ARHGAP32: variants seen among roughly 807,000 people sequenced by gnomAD.
ARHGAP32 encodes rho GTPase-activating protein 32.
Under a neutral mutation model 186.5 loss-of-function variants are expected in ARHGAP32, and 51 were observed. That is an observed-to-expected ratio of 0.27 (90% CI 0.22 to 0.35). The LOEUF (loss-of-function observed/expected upper bound fraction) is 0.35. Among genes scored for constraint, ARHGAP32 ranks in the 10% least tolerant of loss-of-function variants. The pLI is 1.00. For synonymous variants in ARHGAP32, 950 were observed against 964.3 expected (o/e 0.99, Z 0.27); for missense variants, 2,186 against 2,623.5 (o/e 0.83, Z 3.64).
At chr11:129,095,959 A>G (rs1244605859) in intron 5 of ARHGAP32, among the ~76,000 whole-genome samples, 1 of 152,246 alleles carries the variant, frequency 6.6e-6, no homozygotes, top group African/African-American at 2.4e-5. Context: ...AAGTAGTGAT[A>G]AACTCAATCA....
intron 1 of ARHGAP32, among the ~76,000 whole-genome samples, chr11:129,226,435 G>A (rs1944783143): frequency 6.6e-6 from 1 of 152,110 alleles, no homozygotes; most frequent in Non-Finnish European, 1.5e-5. Context: ...CAGAAATCAT[G>A]GAGGCCAGAA....
At chr11:129,121,497 T>C (rs1942528036) in intron 5 of ARHGAP32, among the ~76,000 whole-genome samples, 1 of 151,972 alleles carries the variant, frequency 6.6e-6, no homozygotes, top group South Asian at 2.1e-4. Flanking sequence ...TAGAGGACCA[T>C]AAACACAGAA....
At chr11:129,199,581 C>T (rs190121762) in intron 1 of ARHGAP32, among the ~76,000 whole-genome samples, 2 of 152,262 alleles carry the variant, frequency 1.3e-5, no homozygotes, top group East Asian at 1.9e-4. Context: ...AAGTTAAGAA[C>T]TGAGGTTTGG....
chr11:129,001,047 T>G (rs1419651356), intron 11 of ARHGAP32, among the ~76,000 whole-genome samples: 2 of 152,206 alleles, frequency 1.3e-5, no homozygotes, highest in Admixed American at 6.5e-5. Context: ...ACACTTAGGC[T>G]GCTTACAAAT....
intron 1 of ARHGAP32, among the ~76,000 whole-genome samples, chr11:129,187,244 TA>T (rs1461168726): frequency 6.6e-6 from 1 of 152,244 alleles, no homozygotes; most frequent in Non-Finnish European, 1.5e-5. Context: ...GTCATTATGT[TA>T]AGTGAAATAA....
rs533660591 is a variant in ARHGAP32 at position 129,047,743 on chromosome 11, G to A, written c.964-6734C>T. ...CTTAAAGAACCTAATCTTCTTTAGA[G>A]TCTCTGCCCAGTCTGACTACCATGG... On this transcript the variant is annotated intron_variant, in intron 10 of 22. Transcript: ENST00000682385. Among the ~76,000 whole-genome samples, 493 of 152,226 alleles carry A rather than the reference G, an allele frequency of 3.2e-3. 1 individual carries two copies. The highest frequency in any genetic ancestry group is 0.011 in the African/African-American group (475 of 41,518).
At chr11:129,124,098 T>C (rs1300658007) in intron 3 of ARHGAP32, among the ~76,000 whole-genome samples, 169 bp from the exon 4 acceptor site, 1 of 152,176 alleles carries the variant, frequency 6.6e-6, no homozygotes, top group Non-Finnish European at 1.5e-5. Flanking sequence ...AGAAGAGTTT[T>C]GGATTTCAGA....
intron 1 of ARHGAP32, among the ~76,000 whole-genome samples, chr11:129,187,441 A>G (rs1482433142): frequency 1.3e-5 from 2 of 152,176 alleles, no homozygotes; most frequent in East Asian, 1.9e-4. Flanking sequence ...GAATAAATGA[A>G]TAAGGCCTAG....
chr11:129,023,790 T>C (rs1938704787), intron 11 of ARHGAP32: 3 of 641,038 alleles, frequency 4.7e-6, no homozygotes, highest in Non-Finnish European at 5.8e-6. Flanking sequence ...AATCTAAACA[T>C]AGTTTCAGTG....
At position 129,201,460 on chromosome 11, in the gene ARHGAP32, C is replaced by A. The variant is rs890513176; in HGVS notation, c.-4-37033G>T. Among the ~76,000 whole-genome samples, 3 of 152,186 alleles carry A rather than the reference C, an allele frequency of 2.0e-5. No homozygotes were observed. In the South Asian group the frequency reaches 6.2e-4, roughly 32 times the overall value. ...ACTATAACGGTATACCTAACTAGATCCCCTCCAGACAATTTTTAACCACTG... is the reference window on the plus strand; with the variant it reads ...ACTATAACGGTATACCTAACTAGATACCCTCCAGACAATTTTTAACCACTG... On this transcript the variant is annotated intron_variant, in intron 1 of 6. Transcript: ENST00000525234.
At chr11:129,187,914 G>A (rs1944195295) in intron 1 of ARHGAP32, among the ~76,000 whole-genome samples, 5 of 151,742 alleles carry the variant, frequency 3.3e-5, no homozygotes, top group African/African-American at 9.7e-5. Flanking sequence ...CAGTTAATTG[G>A]GTTTTTTTGT....
At position 129,164,344 on chromosome 11, in the gene ARHGAP32, T is replaced by A; in HGVS notation, c.200A>T (p.Asp67Val). 1.3e-6 allele frequency: 2 copies of A among 1,577,762 alleles called. No individual in the cohort carries two copies. The highest frequency in any genetic ancestry group is 1.2e-5 in the South Asian group (1 of 85,886). The change falls in exon 2 of 23, where the codon GAT (aspartate) becomes GTT (valine). Residue 67 changes from aspartate (D) to valine (V), a missense_variant. By Grantham distance (152) the Asp-to-Val change is radical. Transcript: ENST00000682385. ...HRNVHPRERP[D>V]WEETLSAMAR... ...CATTGCGCTAAGAGTTTCTTCCCAA[T>A]CAGGCCGCTCTCGAGGGTGTACATT...
chr11:129,084,235 C>T (rs1350120236), intron 6 of ARHGAP32, among the ~76,000 whole-genome samples: 1 of 151,542 alleles, frequency 6.6e-6, no homozygotes, highest in African/African-American at 2.4e-5. Context: ...GAAATTATAG[C>T]AAGTCTCTAT....
intron 15 of ARHGAP32, among the ~76,000 whole-genome samples, chr11:128,982,806 C>G (rs937926692): frequency 2.7e-5 from 4 of 146,726 alleles, no homozygotes; most frequent in Admixed American, 1.4e-4. Flanking sequence ...AGGAGGATTG[C>G]TTCAGCCCAG....
At chr11:129,107,590 C>T (rs187319719) in intron 5 of ARHGAP32, among the ~76,000 whole-genome samples, 25 of 152,218 alleles carry the variant, frequency 1.6e-4, no homozygotes, top group African/African-American at 4.3e-4. Context: ...GATTTTGGGC[C>T]GGACGTGGTG....
Position 129,093,601 on chromosome 11 carries a change from G to A in ARHGAP32, c.531+20C>T. The A allele has an allele frequency of 6.5e-7, 1 of 1,546,136 alleles. No individual in the cohort carries two copies. The highest frequency in any genetic ancestry group is 1.4e-5 in the African/African-American group (1 of 73,754). ...AATTCTTAACTTCATATGAAATGGA[G>A]AATACATTCACAAAATCACCTGACA... On this transcript the variant is annotated intron_variant, in intron 6 of 22. Transcript: ENST00000682385.
chr11:129,079,530 T>C (rs1222033149), intron 6 of ARHGAP32, among the ~76,000 whole-genome samples: 5 of 152,148 alleles, frequency 3.3e-5, no homozygotes, highest in African/African-American at 9.7e-5. Context: ...AAAAGTTTTT[T>C]TCAGACAAAC....
At position 128,969,141 on chromosome 11, in the gene ARHGAP32, G is replaced by A. The variant is rs748364965; in HGVS notation, c.6072C>T (p.His2024=). 86 of 1,607,294 alleles carry A rather than the reference G, an allele frequency of 5.4e-5. No homozygotes were observed. The Middle Eastern group carries it at 1.3e-3, about 25-fold the overall frequency. Residue 2024 remains histidine, a synonymous_variant, in exon 23 of 23, where the codon CAC becomes CAT. Transcript: ENST00000682385. The surrounding 1 kb of genome is among the most constrained non-coding windows in gnomAD (Gnocchi z 4.8). ...DPSVLYQYQP[H]GKRQSSVTVV... is the part of the protein sequence containing the mutation. ...CAGTCACACTGCTCTGGCGCTTGCC[G>A]TGTGGTTGGTACTGGTACAGCACAC...
intron 10 of ARHGAP32, among the ~76,000 whole-genome samples, chr11:129,047,597 G>T (rs1465202240): frequency 6.6e-6 from 1 of 151,582 alleles, no homozygotes; most frequent in East Asian, 1.9e-4. Context: ...TACCATACTT[G>T]CATGTCTGTG....
Sources: gnomAD v4.1 joint callset for allele counts (sites outside exome capture counted in the v4.1 genomes callset) on GRCh38, gnomAD v4.1.1 for gene constraint, Gnocchi (gnomAD v3.1) non-coding constraint, MANE v1.5 for transcripts, NCBI Gene and HGNC (gene_info 2026-07-23, HGNC 2026-07-21) for gene names.